The following EPHA4 variants were observed in gnomAD, a reference collection of about 807,000 sequenced individuals.
EPHA4 encodes the protein EPH receptor A4.
EPHA4 carries 19 observed loss-of-function variants against 108.3 expected under a neutral mutation model. That is an observed-to-expected ratio of 0.18 (90% CI 0.12 to 0.26). EPHA4 has a LOEUF of 0.26. EPHA4 is among the 10% of genes least tolerant of loss of function. EPHA4 has a pLI of 1.00. For synonymous variants in EPHA4, 449 were observed against 455.5 expected (o/e 0.99, Z 0.18); for missense variants, 917 against 1,254.0 (o/e 0.73, Z 4.06).
At chr2:221,559,359 A>C (rs1216874115) in intron 3 of EPHA4, among the ~76,000 whole-genome samples, 1 of 152,174 alleles carries the variant, frequency 6.6e-6, no homozygotes, top group Non-Finnish European at 1.5e-5. Flanking sequence ...CCAAAGAGAA[A>C]ATCTGGAGCT....
At chr2:221,535,213 A>C (rs1237868385) in intron 3 of EPHA4, among the ~76,000 whole-genome samples, 3 of 152,224 alleles carry the variant, frequency 2.0e-5, no homozygotes, top group Non-Finnish European at 4.4e-5. Context: ...TCCTCAACCT[A>C]AATTAATCAG....
chr2:221,444,521 G>T (rs1690527971), intron 9 of EPHA4, among the ~76,000 whole-genome samples: 1 of 152,048 alleles, frequency 6.6e-6, no homozygotes, highest in Non-Finnish European at 1.5e-5. Context: ...TTAGGAATAA[G>T]CTCCTTAAAT....
chr2:221,547,975 T>C (rs879340688), intron 3 of EPHA4, among the ~76,000 whole-genome samples: 4 of 152,212 alleles, frequency 2.6e-5, no homozygotes, highest in Non-Finnish European at 4.4e-5. Flanking sequence ...CCCAAAGATA[T>C]TTCCTATCTT....
intron 3 of EPHA4, among the ~76,000 whole-genome samples, chr2:221,534,900 C>G (rs1693621013): frequency 1.3e-5 from 2 of 152,150 alleles, no homozygotes; most frequent in Non-Finnish European, 2.9e-5. Flanking sequence ...TTTTTGTTGA[C>G]CAGAAAGCAT....
chr2:221,419,011 T>C lies in EPHA4; in HGVS notation c.*2361A>G, dbSNP rs1189670158. The C allele has an allele frequency of 6.6e-6, 1 of 152,670 alleles. No individual in the cohort carries two copies. The highest frequency in any genetic ancestry group is 1.5e-5 in the Non-Finnish European group (1 of 68,054). The allele number at this position is 152,670 out of a possible 1,614,324, so 9.5% of individuals were successfully genotyped here. ...GAATGTAATAAATATTTATTGATGATTTTCTCTACTTATTCAACAATAAAT... is the reference window on the plus strand; with the variant it reads ...GAATGTAATAAATATTTATTGATGACTTTCTCTACTTATTCAACAATAAAT... On this transcript the variant is annotated 3_prime_UTR_variant, in exon 18 of 18. Coordinates refer to ENST00000281821, the MANE Select transcript of EPHA4 (RefSeq NM_004438.5).
Position 221,420,051 on chromosome 2 carries a change from A to G in EPHA4, c.*1321T>C, listed in dbSNP as rs1689706720. The G allele has an allele frequency of 6.5e-6, 1 of 152,754 alleles. No individual in the cohort carries two copies. The highest frequency in any genetic ancestry group is 2.1e-4 in the South Asian group (1 of 4,828). The allele number at this position is 152,754 out of a possible 1,614,324, so 9.5% of individuals were successfully genotyped here. ...AAAAAAATATATTTATATCACTGCA[A>G]TGGCACACCCTGGGTAAAATGTTAC... is the stretch of plus-strand genomic sequence containing the variant. On this transcript the variant is annotated 3_prime_UTR_variant, in exon 18 of 18. Coordinates refer to ENST00000281821, the MANE Select transcript of EPHA4 (RefSeq NM_004438.5).
chr2:221,520,499 C>A (rs1693129249), intron 3 of EPHA4, among the ~76,000 whole-genome samples: 1 of 129,348 alleles, frequency 7.7e-6, no homozygotes, highest in Non-Finnish European at 1.6e-5. Flanking sequence ...AGACTTATTT[C>A]CTCTAACCAC....
chr2:221,515,347 G>A (rs1174300651), intron 3 of EPHA4, among the ~76,000 whole-genome samples: 4 of 152,086 alleles, frequency 2.6e-5, no homozygotes, highest in Non-Finnish European at 5.9e-5. Flanking sequence ...TTCCCACCTC[G>A]ACCTCCCAAA....
Position 221,559,317 on chromosome 2 carries a change from T to C in EPHA4, c.823+4414A>G, listed in dbSNP as rs897052264. ...GTTTTTATTGGTATTATTTTTTATA[T>C]GTATGCTCTGAAAACTGCTGATTAG... On this transcript the variant is annotated intron_variant, in intron 3 of 17. Transcript: ENST00000281821. 2.6e-5 allele frequency among the ~76,000 whole-genome samples: 4 copies of C among 152,228 alleles called. No individual in the cohort carries two copies. In the East Asian group the frequency reaches 7.7e-4, roughly 29 times the overall value.
intron 3 of EPHA4, among the ~76,000 whole-genome samples, chr2:221,560,388 C>T (rs184235575): frequency 5.3e-5 from 8 of 151,920 alleles, no homozygotes; most frequent in Middle Eastern, 3.4e-3. Flanking sequence ...ACTTTTTGCT[C>T]GTTCAAAGGA....
intron 1 of EPHA4, among the ~76,000 whole-genome samples, chr2:221,569,146 A>G (rs1033144786): frequency 6.6e-6 from 1 of 152,170 alleles, no homozygotes; most frequent in Non-Finnish European, 1.5e-5. Flanking sequence ...TCTGTCTGGT[A>G]TCTACTAGAA....
At chr2:221,487,229 G>C (rs1323532490) in intron 4 of EPHA4, among the ~76,000 whole-genome samples, 1 of 152,112 alleles carries the variant, frequency 6.6e-6, no homozygotes, top group Non-Finnish European at 1.5e-5. Context: ...CTTCCTGATA[G>C]TTGCCTAGAT....
intron 3 of EPHA4, among the ~76,000 whole-genome samples, chr2:221,523,767 T>C (rs1192043887): frequency 6.6e-6 from 1 of 150,402 alleles, no homozygotes; most frequent in African/African-American, 2.4e-5. Flanking sequence ...CTAATATTTT[T>C]TGCATTTTTA....
intron 3 of EPHA4, among the ~76,000 whole-genome samples, chr2:221,560,593 C>T (rs898761772): frequency 3.3e-5 from 5 of 152,136 alleles, no homozygotes; most frequent in Non-Finnish European, 7.4e-5. Context: ...TCTTAAAAGT[C>T]AATAGCTATG....
rs934301236 is a variant in EPHA4, at chr2:221,568,475, G to C, written c.159+243C>G. Among the ~76,000 whole-genome samples, 5 of 152,200 alleles carry C rather than the reference G, an allele frequency of 3.3e-5. No homozygotes were observed. In the East Asian group the frequency reaches 7.7e-4, roughly 24 times the overall value. On this transcript the variant is annotated intron_variant, in intron 2 of 17. Coordinates refer to ENST00000281821, the MANE Select transcript of EPHA4 (RefSeq NM_004438.5). Reference sequence around the variant, plus strand: ...TAGTTTTAAATAGGCATCTAAGTCTGTGCCTCCACCAGTCTCCTAATTTTG... The same window carrying C: ...TAGTTTTAAATAGGCATCTAAGTCTCTGCCTCCACCAGTCTCCTAATTTTG...
intron 4 of EPHA4, among the ~76,000 whole-genome samples, chr2:221,499,756 ATTTTTT>A (rs575017779): frequency 1.5e-3 from 39 of 26,220 alleles, no homozygotes; most frequent in African/African-American, 5.1e-3. Context: ...ATATATATAT[ATTTTTT>A]TTTTTTTTTT....
rs184895903 is a variant in EPHA4, at chr2:221,525,427, G to A, written c.824-24255C>T. Among the ~76,000 whole-genome samples, 176 of 152,292 alleles carry A rather than the reference G, an allele frequency of 1.2e-3. 1 individual carries two copies. Among genetic ancestry groups the A allele is most frequent in the African/African-American group, 3.8e-3 (160 of 41,568 alleles). Reference sequence around the variant, plus strand: ...GGTTAAAAAAGATGAGGGAAAGAGAGAGAGATATGTCCTTGATTCCGTGCC... The same window carrying A: ...GGTTAAAAAAGATGAGGGAAAGAGAAAGAGATATGTCCTTGATTCCGTGCC... On this transcript the variant is annotated intron_variant, in intron 3 of 17. Coordinates refer to ENST00000281821, the MANE Select transcript of EPHA4 (RefSeq NM_004438.5).
At chr2:221,535,777 C>A (rs1693651553) in intron 3 of EPHA4, among the ~76,000 whole-genome samples, 3 of 152,136 alleles carry the variant, frequency 2.0e-5, no homozygotes, top group Admixed American at 1.3e-4. Context: ...AGGGCACATT[C>A]CCTTTGGTTG....
chr2:221,463,914 T>C (rs1691226595), intron 5 of EPHA4, among the ~76,000 whole-genome samples: 1 of 152,100 alleles, frequency 6.6e-6, no homozygotes, highest in Non-Finnish European at 1.5e-5. Context: ...GGGGGGAACT[T>C]TGGAGGAAAA....
Sources: gnomAD v4.1 joint callset for allele counts (sites outside exome capture counted in the v4.1 genomes callset) on GRCh38, gnomAD v4.1.1 for gene constraint, MANE v1.5 for transcripts, NCBI Gene and HGNC (gene_info 2026-07-23, HGNC 2026-07-21) for gene names.